The following SIM1 variants were observed in gnomAD, a reference collection of about 807,000 sequenced individuals.
SIM1 encodes SIM bHLH transcription factor 1.
In SIM1, 18 loss-of-function variants were observed where a neutral mutation model predicts 78.2. The observed-to-expected ratio is 0.23, with a 90% CI of 0.16 to 0.34. The LOEUF (loss-of-function observed/expected upper bound fraction) is 0.34. SIM1 is among the 10% of genes least tolerant of loss of function. The probability of loss-of-function intolerance (pLI) is 1.00; values close to 1 mark genes in which losing one functional copy is unlikely to be tolerated. For missense variants in SIM1, 939 were observed against 975.1 expected (o/e 0.96, Z 0.49); for synonymous variants, 417 against 385.2 (o/e 1.08, Z -0.97).
chr6:100,459,354 C>G, intron 2 of SIM1, among the ~76,000 whole-genome samples: 1 of 152,206 alleles, frequency 6.6e-6, no homozygotes, highest in East Asian at 1.9e-4. Context: ...CTGCACTCCA[C>G]ATTTTAAGTC....
At chr6:100,447,551 G>A (rs897270053) in intron 8 of SIM1, 136 bp from the exon 9 acceptor site, 8 of 946,612 alleles carry the variant, frequency 8.5e-6, no homozygotes, top group South Asian at 8.1e-5. Flanking sequence ...AGAGAGAGAC[G>A]ACAGGCAAAT....
At chr6:100,432,821 T>C (rs1771937335) in intron 9 of SIM1, among the ~76,000 whole-genome samples, 1 of 152,178 alleles carries the variant, frequency 6.6e-6, no homozygotes, top group Non-Finnish European at 1.5e-5. Context: ...ACTGCTTACA[T>C]GACATTTCCA....
At chr6:100,461,165 C>A (rs776163083) in intron 2 of SIM1, among the ~76,000 whole-genome samples, 2 of 152,150 alleles carry the variant, frequency 1.3e-5, no homozygotes, top group Non-Finnish European at 2.9e-5. Flanking sequence ...AGGACTCCAG[C>A]GGGAGCCTTC....
Position 100,389,422 on chromosome 6 carries a change from T to C in SIM1, c.*939A>G. On this transcript the variant is annotated 3_prime_UTR_variant, in exon 12 of 12. Coordinates refer to ENST00000369208, the MANE Select transcript of SIM1 (RefSeq NM_005068.3). ...GGTTTTCCTTTTATTTTTGCACCTA[T>C]TGGTCTTTTTTCTGGGTGAATTGGT... The C allele has an allele frequency of 2.6e-6, 1 of 392,078 alleles. No homozygotes were observed. Among genetic ancestry groups the C allele is most frequent in the East Asian group, 3.6e-5 (1 of 27,732 alleles). The allele number at this position is 392,078 out of a possible 1,614,324, so 24.3% of individuals were successfully genotyped here.
At chr6:100,399,072 A>G (rs1261369611) in intron 10 of SIM1, among the ~76,000 whole-genome samples, 7 of 152,002 alleles carry the variant, frequency 4.6e-5, no homozygotes, top group Non-Finnish European at 7.4e-5. Flanking sequence ...TTCCGCAGGC[A>G]TATTTGTCAT....
intron 10 of SIM1, among the ~76,000 whole-genome samples, chr6:100,411,154 A>T (rs1771182568): frequency 6.6e-6 from 1 of 152,226 alleles, no homozygotes; most frequent in Non-Finnish European, 1.5e-5. Flanking sequence ...CTGAGCCCAT[A>T]AACAAACATG....
intron 2 of SIM1, among the ~76,000 whole-genome samples, chr6:100,458,051 T>C (rs1046728007): frequency 1.7e-5 from 2 of 120,248 alleles, no homozygotes; most frequent in Non-Finnish European, 3.7e-5. Context: ...TCTCTCTCTC[T>C]CTCTCTCTCT....
intron 3 of SIM1, among the ~76,000 whole-genome samples, chr6:100,451,900 G>A (rs780860180): frequency 6.6e-6 from 1 of 152,164 alleles, no homozygotes; most frequent in Non-Finnish European, 1.5e-5. Flanking sequence ...TTTGCAGTAG[G>A]AAACAAAAAT....
At chr6:100,450,696 T>TCTCTCTCTCTCTCTCTCTCTCTCACACA (rs1421452803) in intron 3 of SIM1, among the ~76,000 whole-genome samples, 1 of 91,878 alleles carries the variant, frequency 1.1e-5, no homozygotes, top group Admixed American at 1.3e-4. Context: ...TCTCTCTCTC[T>TCTCTCTCTCTCTCTCTCTCTCTCACACA]CACACACACA....
At chr6:100,412,581 AAGAAAGAAAG>A (rs780455523) in intron 10 of SIM1, among the ~76,000 whole-genome samples, 4 of 111,556 alleles carry the variant, frequency 3.6e-5, no homozygotes, top group Non-Finnish European at 7.5e-5. Context: ...GAAAGAAAGA[AAGAAAGAAAG>A]AAAGAAAGAA....
intron 3 of SIM1, among the ~76,000 whole-genome samples, chr6:100,453,538 C>G (rs1772566828): frequency 6.6e-6 from 1 of 152,152 alleles, no homozygotes; most frequent in Non-Finnish European, 1.5e-5. Context: ...TGTCACCTTG[C>G]CTCCCTCTCA....
Position 100,388,242 on chromosome 6 carries a change from A to T in SIM1, c.*2119T>A, listed in dbSNP as rs1013054157. On this transcript the variant is annotated 3_prime_UTR_variant, in exon 12 of 12. Transcript: ENST00000369208. ...TACCCCCATATAATCAAATTCTCACATACTCAAGTCCTGCCTGTTGGCCCT... is the reference window on the plus strand; with the variant it reads ...TACCCCCATATAATCAAATTCTCACTTACTCAAGTCCTGCCTGTTGGCCCT... The T allele has an allele frequency of 1.3e-5, 2 of 152,188 alleles. No homozygotes were observed. The highest frequency in any genetic ancestry group is 2.9e-5 in the Non-Finnish European group (2 of 68,026). The allele number at this position is 152,188 out of a possible 1,614,324, so 9.4% of individuals were successfully genotyped here.
At chr6:100,437,548 T>A (rs1582307337) in intron 9 of SIM1, 1 of 151,716 alleles carries the variant, frequency 6.6e-6, no homozygotes, top group South Asian at 2.1e-4. Flanking sequence ...AAAAAAATTT[T>A]AAATGGTGTT....
chr6:100,448,751 A>T, intron 6 of SIM1, 73 bp from the exon 7 acceptor site: 2 of 1,331,310 alleles, frequency 1.5e-6, no homozygotes, highest in African/African-American at 1.4e-5. Context: ...GAAGGGGTTG[A>T]AACATGTTGA....
intron 9 of SIM1, among the ~76,000 whole-genome samples, chr6:100,430,005 C>T (rs1306073986): frequency 1.3e-5 from 2 of 152,016 alleles, no homozygotes; most frequent in Non-Finnish European, 2.9e-5. Context: ...GTCTCTGAAG[C>T]CTTTCATGTG....
intron 10 of SIM1, among the ~76,000 whole-genome samples, chr6:100,400,332 A>G (rs1770881502): frequency 6.6e-6 from 1 of 152,062 alleles, no homozygotes; most frequent in East Asian, 1.9e-4. Context: ...ATGCCCAATC[A>G]TCAAAATCAA....
At chr6:100,401,955 C>T (rs1377604974) in intron 10 of SIM1, among the ~76,000 whole-genome samples, 1 of 152,198 alleles carries the variant, frequency 6.6e-6, no homozygotes, top group Non-Finnish European at 1.5e-5. Context: ...TGGATTCAGA[C>T]ATGGGCGTAT....
At position 100,447,277 on chromosome 6, in the gene SIM1, T is replaced by C. The variant is rs2114538856; in HGVS notation, c.989A>G (p.Tyr330Cys). The change falls in exon 9 of 12, where the codon TAT becomes TGT. Residue 330 changes from tyrosine (Y) to cysteine (C), a missense_variant. Tyr to Cys is a radical substitution (Grantham distance 194, BLOSUM62 -2). This residue lies in a region of SIM1 where 66 missense variants were observed against 108.4 expected (regional missense o/e 0.61). Transcript: ENST00000369208. The part of the protein sequence containing the change: ...SRPHCIVSVN[Y>C]VLTDTEYKGL... ...TCAGTCTTGCACTCACGTGAGGACA[T>C]AGTTGACGCTGACGATACAGTGTGG... 1.9e-6 allele frequency: 3 copies of C among 1,614,166 alleles called. No homozygotes were observed. The highest frequency in any genetic ancestry group is 2.2e-5 in the East Asian group (1 of 44,854).
intron 9 of SIM1, among the ~76,000 whole-genome samples, chr6:100,443,424 A>G (rs1772265271): frequency 6.6e-6 from 1 of 152,112 alleles, no homozygotes; most frequent in Non-Finnish European, 1.5e-5. Flanking sequence ...CACTAAATCT[A>G]TTCTCTCTCT....
Sources: gnomAD v4.1 joint callset for allele counts (sites outside exome capture counted in the v4.1 genomes callset) on GRCh38, gnomAD v4.1.1 for gene constraint, gnomAD v4.1.1 regional missense constraint, MANE v1.5 for transcripts, NCBI Gene and HGNC (gene_info 2026-07-23, HGNC 2026-07-21) for gene names.